GALNT16: variants seen among roughly 807,000 people sequenced by gnomAD.
GALNT16 encodes UDP-GalNAc:polypeptide N-acetylgalactosaminyltransferase-like protein 1.
In GALNT16, 40 loss-of-function variants were observed where a neutral mutation model predicts 76.1. The observed-to-expected ratio is 0.53, with a 90% CI of 0.41 to 0.68. The LOEUF (loss-of-function observed/expected upper bound fraction) is 0.68. GALNT16 is among the 30% of genes least tolerant of loss of function. GALNT16 has a pLI of 0.00. For missense variants in GALNT16, 621 were observed against 731.9 expected, an observed-to-expected ratio of 0.85 and a Z score of 1.75; for synonymous variants, 276 against 285.2, an observed-to-expected ratio of 0.97 and a Z score of 0.32.
At chr14:69,322,926 GTGTGTGTGTGTGTGTGT>G (rs1322640974) in intron 2 of GALNT16, among the ~76,000 whole-genome samples, 3 of 27,730 alleles carry the variant, frequency 1.1e-4, no homozygotes, top group South Asian at 6.5e-4. Flanking sequence ...GGCTCACGGG[GTGTGTGTGTGTGTGTGT>G]GTGTGTGTGT....
At chr14:69,347,248 G>A (rs928440902) in intron 13 of GALNT16, 67 bp downstream of exon 13, 62 of 1,415,186 alleles carry the variant, frequency 4.4e-5, no homozygotes, top group Non-Finnish European at 5.8e-5. Flanking sequence ...TGGGGTGAGG[G>A]ACTTCCCCCT....
chr14:69,339,665 G>A (rs1246827974), intron 11 of GALNT16, 46 bp downstream of exon 11: 1 of 1,188,938 alleles, frequency 8.4e-7, no homozygotes, highest in Admixed American at 2.0e-5. Context: ...ACCCACATTA[G>A]CACAACCCCA....
chr14:69,332,923 A>G (rs959852857), intron 7 of GALNT16, among the ~76,000 whole-genome samples, 162 bp from the exon 8 acceptor site: 23 of 150,518 alleles, frequency 1.5e-4, no homozygotes, highest in Non-Finnish European at 1.5e-5. Flanking sequence ...TAGATGGTAC[A>G]CTTCCTGAGA....
chr14:69,282,801 A>G (rs12897088), intron 1 of GALNT16, among the ~76,000 whole-genome samples: 87,567 of 151,736 alleles, frequency 0.58, 25,661 homozygotes, highest in South Asian at 0.75. Flanking sequence ...TGAGTAGCTA[A>G]GATTACAGGT....
intron 2 of GALNT16, among the ~76,000 whole-genome samples, 199 bp downstream of exon 2, chr14:69,321,067 G>A (rs770530473): frequency 2.0e-5 from 3 of 152,224 alleles, no homozygotes; most frequent in Non-Finnish European, 2.9e-5. Flanking sequence ...CAAGGAAACC[G>A]CTCCGCTGGG....
At chr14:69,380,507 CACCCCAA>C in the GALNT16 span, 3 of 1,117,936 alleles carry the variant, frequency 2.7e-6, no homozygotes, top group Non-Finnish European at 4.1e-6. Context: ...GTTCCAAGCC[CACCCCAA>C]CCCCCCCAGT....
At position 69,295,329 on chromosome 14, in the gene GALNT16, C is replaced by T. The variant is rs376223162; in HGVS notation, c.178-25382C>T. ...ACTTGAGAGGCTGAGACGGGAGGATCGCTTGAGCCAGGGTGGTTGAGCCTG... is the reference window on the plus strand; with the variant it reads ...ACTTGAGAGGCTGAGACGGGAGGATTGCTTGAGCCAGGGTGGTTGAGCCTG... On this transcript the variant is annotated intron_variant, in intron 1 of 14. Coordinates refer to ENST00000448469, the MANE Select transcript of GALNT16 (RefSeq NM_001168368.2). Among the ~76,000 whole-genome samples the T allele has an allele frequency of 4.8e-4, 72 of 149,112 alleles. No individual in the cohort carries two copies. In the East Asian group the frequency reaches 7.3e-3, roughly 15 times the overall value.
intron 1 of GALNT16, among the ~76,000 whole-genome samples, chr14:69,305,146 T>A (rs1169642372): frequency 1.4e-5 from 2 of 147,446 alleles, no homozygotes; most frequent in African/African-American, 2.5e-5. Context: ...TTTTTTTTTT[T>A]ATAATAACCA....
intron 1 of GALNT16, among the ~76,000 whole-genome samples, chr14:69,315,416 G>C (rs1348219075): frequency 1.3e-5 from 2 of 152,202 alleles, no homozygotes; most frequent in South Asian, 4.1e-4. Context: ...CAGGAGGCTG[G>C]AAGGATGTGG....
chr14:69,280,121 C>T (rs1483726972), intron 1 of GALNT16, among the ~76,000 whole-genome samples: 2 of 152,090 alleles, frequency 1.3e-5, no homozygotes, highest in South Asian at 4.1e-4. Context: ...GTTGTGTGAC[C>T]ATCACTACCA....
At chr14:69,320,952 A>G (rs2045172354) in intron 2 of GALNT16, 84 bp downstream of exon 2, 2 of 1,304,446 alleles carry the variant, frequency 1.5e-6, no homozygotes, top group Admixed American at 1.9e-5. Flanking sequence ...ACGTGTATCT[A>G]AGAAATGAGG....
intron 12 of GALNT16, among the ~76,000 whole-genome samples, chr14:69,344,165 T>C (rs1295668524): frequency 1.3e-5 from 2 of 152,170 alleles, no homozygotes; most frequent in Non-Finnish European, 2.9e-5. Flanking sequence ...AAGAAGAGGC[T>C]TTTGCTTTCC....
chr14:69,373,312 C>T, the GALNT16 span, among the ~76,000 whole-genome samples: 478 of 152,344 alleles, frequency 3.1e-3, 4 homozygotes, highest in African/African-American at 0.011. Context: ...CATGATCTAT[C>T]CCATTTCTCT....
At chr14:69,343,759 T>C (rs2045524764) in intron 12 of GALNT16, among the ~76,000 whole-genome samples, 1 of 152,120 alleles carries the variant, frequency 6.6e-6, no homozygotes, top group Admixed American at 6.5e-5. Context: ...GGAATGCCCT[T>C]CCTCTCCAAC....
chr14:69,378,343 ATCTG>A, the GALNT16 span, among the ~76,000 whole-genome samples: 1 of 152,354 alleles, frequency 6.6e-6, no homozygotes. Context: ...AAATTGTATA[ATCTG>A]TCTGGGAGGT....
At chr14:69,345,455 C>T (rs570651583) in intron 12 of GALNT16, among the ~76,000 whole-genome samples, 2 of 152,298 alleles carry the variant, frequency 1.3e-5, no homozygotes, top group East Asian at 3.9e-4. Context: ...GGTCTAGATC[C>T]TGCAGATGTC....
chr14:69,346,954 A>G, intron 12 of GALNT16, 86 bp from the exon 13 acceptor site: 4 of 1,551,898 alleles, frequency 2.6e-6, no homozygotes, highest in Non-Finnish European at 3.6e-6. Flanking sequence ...GCGCTCCCAG[A>G]GCTGATAGGA....
At chr14:69,336,748 GACA>G (rs1335619688) in intron 9 of GALNT16, among the ~76,000 whole-genome samples, 1 of 150,992 alleles carries the variant, frequency 6.6e-6, no homozygotes, top group African/African-American at 2.4e-5. Context: ...TATTTTTAGA[GACA>G]GAGTCTCCCT....
chr14:69,355,771 G>T (rs1436742167), downstream of GALNT16: 1 of 152,246 alleles, frequency 6.6e-6, no homozygotes, highest in South Asian at 2.1e-4. Flanking sequence ...GCAGGGAGCT[G>T]TTCCTGAGGA....
Sources: allele counts gnomAD v4.1 joint callset (sites outside exome capture counted in the v4.1 genomes callset), GRCh38; gene constraint gnomAD v4.1.1; transcripts MANE v1.5; gene names NCBI Gene and HGNC (gene_info 2026-07-23, HGNC 2026-07-21).